STXBP5L: variants seen among roughly 807,000 people sequenced by gnomAD.
STXBP5L encodes the protein syntaxin-binding protein 5-like.
STXBP5L carries 65 observed loss-of-function variants against 144.5 expected under a neutral mutation model. The ratio of observed to expected loss-of-function variants is 0.45; its 90% CI spans 0.37 to 0.55. The LOEUF is 0.55. Among genes scored for constraint, STXBP5L ranks in the 20% least tolerant of loss-of-function variants. The pLI, the probability that STXBP5L is intolerant of heterozygous loss-of-function variation, is 0.00. For missense variants in STXBP5L, 1,298 were observed against 1,405.5 expected (o/e 0.92, Z 1.22); for synonymous variants, 505 against 469.6 (o/e 1.08, Z -0.97).
At chr3:121,228,495 T>C (rs1275564864) in intron 11 of STXBP5L, among the ~76,000 whole-genome samples, 1 of 152,182 alleles carries the variant, frequency 6.6e-6, no homozygotes, top group Non-Finnish European at 1.5e-5. Context: ...GTGACAGAAA[T>C]AGAAATTTGT....
At chr3:121,044,421 C>T (rs896185316) in intron 4 of STXBP5L, among the ~76,000 whole-genome samples, 2 of 152,106 alleles carry the variant, frequency 1.3e-5, no homozygotes, top group Non-Finnish European at 2.9e-5. Flanking sequence ...CTAGCAATTT[C>T]AATATCGTTC....
intron 22 of STXBP5L, among the ~76,000 whole-genome samples, chr3:121,386,999 G>T (rs968382621): frequency 1.3e-5 from 2 of 152,118 alleles, no homozygotes; most frequent in Non-Finnish European, 2.9e-5. Flanking sequence ...CATAATGGTT[G>T]AACTAATTTA....
intron 5 of STXBP5L, among the ~76,000 whole-genome samples, chr3:121,081,797 C>G (rs1225464478): frequency 6.6e-6 from 1 of 152,086 alleles, no homozygotes; most frequent in Non-Finnish European, 1.5e-5. Context: ...GGGGAGCTCT[C>G]AATTAGGTGT....
intron 5 of STXBP5L, among the ~76,000 whole-genome samples, chr3:121,056,995 A>G (rs1256873713): frequency 6.6e-6 from 1 of 150,596 alleles, no homozygotes; most frequent in Non-Finnish European, 1.5e-5. Context: ...ATATATTTAT[A>G]TATATTTTAT....
At chr3:121,331,141 A>G (rs1270867249) in intron 20 of STXBP5L, among the ~76,000 whole-genome samples, 1 of 152,224 alleles carries the variant, frequency 6.6e-6, no homozygotes, top group African/African-American at 2.4e-5. Context: ...CCTGTGGGAC[A>G]GAAGAATCCA....
chr3:121,210,599 A>G (rs2048523222), intron 10 of STXBP5L, among the ~76,000 whole-genome samples: 1 of 152,168 alleles, frequency 6.6e-6, no homozygotes, highest in Non-Finnish European at 1.5e-5. Context: ...TCTTGAATTA[A>G]TTTTTGTATA....
intron 3 of STXBP5L, among the ~76,000 whole-genome samples, chr3:121,032,294 C>A (rs1366311453): frequency 6.7e-6 from 1 of 149,902 alleles, no homozygotes; most frequent in Non-Finnish European, 1.5e-5. Flanking sequence ...TATAAAAAGC[C>A]AAAGGAAGAA....
chr3:121,288,348 T>C (rs939050818), intron 19 of STXBP5L, among the ~76,000 whole-genome samples: 7 of 152,230 alleles, frequency 4.6e-5, no homozygotes, highest in Admixed American at 3.3e-4. Context: ...TTTCTTCGGG[T>C]ATATACATAA....
chr3:120,998,383 G>GTT (rs147736530), intron 3 of STXBP5L, among the ~76,000 whole-genome samples: 120 of 151,744 alleles, frequency 7.9e-4, no homozygotes, highest in Non-Finnish European at 9.9e-4. Context: ...CTTTGGCAAA[G>GTT]TTTTTTTTTA....
chr3:121,113,454 A>G (rs1377494416), intron 5 of STXBP5L, among the ~76,000 whole-genome samples: 1 of 152,120 alleles, frequency 6.6e-6, no homozygotes, highest in Non-Finnish European at 1.5e-5. Context: ...GTTTTAATCA[A>G]AATTTTCCAA....
At chr3:120,982,115 G>T (rs575164449) in intron 3 of STXBP5L, among the ~76,000 whole-genome samples, 2 of 152,288 alleles carry the variant, frequency 1.3e-5, no homozygotes, top group East Asian at 3.9e-4. Flanking sequence ...TTTGTATTGT[G>T]TTGTGCAGTT....
At chr3:121,313,885 C>T (rs1019785952) in intron 19 of STXBP5L, among the ~76,000 whole-genome samples, 23 of 142,042 alleles carry the variant, frequency 1.6e-4, no homozygotes, top group African/African-American at 2.1e-4. Flanking sequence ...TCAGACGGAG[C>T]GGCCGGGCAG....
At chr3:121,133,917 A>G (rs549008301) in intron 7 of STXBP5L, among the ~76,000 whole-genome samples, 2 of 152,268 alleles carry the variant, frequency 1.3e-5, no homozygotes, top group South Asian at 4.1e-4. Context: ...CATTATCAAG[A>G]GAACAGCAAG....
chr3:121,297,200 A>ATGTGTGTGTG (rs1377713743), intron 19 of STXBP5L, among the ~76,000 whole-genome samples: 1 of 68,728 alleles, frequency 1.5e-5, no homozygotes, highest in African/African-American at 5.0e-5. Flanking sequence ...ATTCTACATT[A>ATGTGTGTGTG]TATGTGTGTG....
intron 9 of STXBP5L, among the ~76,000 whole-genome samples, chr3:121,200,070 C>G (rs543774820): frequency 1.3e-5 from 2 of 152,282 alleles, no homozygotes; most frequent in South Asian, 4.1e-4. Context: ...TCCAGCTCCT[C>G]TTTGTACCTC....
chr3:121,344,147 G>T (rs1245237294), intron 20 of STXBP5L, among the ~76,000 whole-genome samples: 1 of 152,038 alleles, frequency 6.6e-6, no homozygotes, highest in African/African-American at 2.4e-5. Flanking sequence ...AAGCAATGGG[G>T]AAAGGATTCC....
chr3:121,072,022 G>T (rs1217302681), intron 5 of STXBP5L, among the ~76,000 whole-genome samples: 1 of 152,146 alleles, frequency 6.6e-6, no homozygotes, highest in African/African-American at 2.4e-5. Context: ...AGAACTTTGT[G>T]GGCGATAAGC....
At chr3:121,122,009 A>C (rs1192267395) in intron 7 of STXBP5L, among the ~76,000 whole-genome samples, 2 of 151,108 alleles carry the variant, frequency 1.3e-5, no homozygotes, top group Non-Finnish European at 3.0e-5. Flanking sequence ...ATTTAATAAT[A>C]TGATTATAAT....
chr3:121,207,872 T>G (rs2048399352), intron 10 of STXBP5L, among the ~76,000 whole-genome samples: 1 of 152,162 alleles, frequency 6.6e-6, no homozygotes, highest in African/African-American at 2.4e-5. Flanking sequence ...GGAACACTTT[T>G]ACACTGTTGG....
Sources: gnomAD v4.1 joint callset for allele counts (sites outside exome capture counted in the v4.1 genomes callset) on GRCh38, gnomAD v4.1.1 for gene constraint, MANE v1.5 for transcripts, NCBI Gene and HGNC (gene_info 2026-07-23, HGNC 2026-07-21) for gene names.